Variants in WFDC5 observed in about 807,000 individuals in gnomAD.
The protein encoded by WFDC5 is WAP four-disulfide core domain protein 5.
WFDC5 carries 15 observed loss-of-function variants against 15.7 expected under a neutral mutation model. That is an observed-to-expected ratio of 0.96 (90% CI 0.64 to 1.47). The LOEUF is 1.47. WFDC5 is among the 40% of genes most tolerant of loss of function. The pLI, the probability that WFDC5 is intolerant of heterozygous loss-of-function variation, is 0.00. For synonymous variants in WFDC5, 109 were observed against 107.7 expected, an observed-to-expected ratio of 1.01 and a Z score of -0.07; for missense variants, 280 against 258.0, an observed-to-expected ratio of 1.09 and a Z score of -0.59.
At position 45,110,716 on chromosome 20, in the gene WFDC5, A is replaced by G. The variant is rs1377540497; in HGVS notation, c.145T>C (p.Cys49Arg). 3.1e-6 allele frequency: 5 copies of G among 1,614,070 alleles called. No individual in the cohort carries two copies. Among genetic ancestry groups the G allele is most frequent in the African/African-American group, 1.3e-5 (1 of 74,944 alleles). ...AAGGGACACTGGCTGTCTTCCACGC[A>G]CTGGTCAGGCACCGATAGGAGGCAG... Residue 49 changes from cysteine to arginine, a missense_variant, in exon 2 of 4, where the codon TGC becomes CGC. Coordinates refer to ENST00000307971, the Ensembl canonical transcript of WFDC5.
intron 1 of WFDC5, 139 bp downstream of exon 1, chr20:45,114,860 C>T (rs1981713751): frequency 3.7e-6 from 3 of 819,890 alleles, no homozygotes; most frequent in African/African-American, 3.4e-5. Context: ...GGCATCCACA[C>T]ATACACACAC....
At chr20:45,114,353 C>A (rs1161239250) in intron 1 of WFDC5, among the ~76,000 whole-genome samples, 1 of 152,152 alleles carries the variant, frequency 6.6e-6, no homozygotes, top group Non-Finnish European at 1.5e-5. Flanking sequence ...AGCAGGCCAG[C>A]CCCAGCCTTG....
chr20:45,113,283 C>T (rs1386261025), intron 1 of WFDC5, among the ~76,000 whole-genome samples: 2 of 152,190 alleles, frequency 1.3e-5, no homozygotes, highest in East Asian at 3.8e-4. Flanking sequence ...ACTTCCCTTC[C>T]CTTGGCTTCG....
intron 1 of WFDC5, among the ~76,000 whole-genome samples, chr20:45,112,423 G>A (rs1981646303): frequency 6.6e-6 from 1 of 152,188 alleles, no homozygotes; most frequent in Non-Finnish European, 1.5e-5. Context: ...TGCGATAGCT[G>A]CAATGTGGAG....
chr20:45,112,884 G>A (rs1981659758), intron 1 of WFDC5, among the ~76,000 whole-genome samples: 1 of 152,056 alleles, frequency 6.6e-6, no homozygotes, highest in Non-Finnish European at 1.5e-5. Context: ...TATATAAACA[G>A]GCAGTCATGT....
chr20:45,111,283 C>A (rs374855656), intron 1 of WFDC5, among the ~76,000 whole-genome samples: 1 of 113,524 alleles, frequency 8.8e-6, no homozygotes, highest in Non-Finnish European at 1.9e-5. Flanking sequence ...GGTCAGCGCC[C>A]CCCCACCCCG....
chr20:45,110,434 G>A (rs373684757), exon 3 of WFDC5: 39 of 1,611,838 alleles, frequency 2.4e-5, no homozygotes, highest in Admixed American at 6.7e-5. Context: ...GCCCGCAGGC[G>A]CTGTGGCAGC....
intron 1 of WFDC5, among the ~76,000 whole-genome samples, chr20:45,114,724 A>G (rs893530512): frequency 6.6e-6 from 1 of 151,908 alleles, no homozygotes; most frequent in Non-Finnish European, 1.5e-5. Flanking sequence ...CCCCTGACAT[A>G]TAGACAGGCA....
In WFDC5 at chr20:45,110,624, G is replaced by A. The variant is rs2145524298; in HGVS notation, c.226+11C>T. ...CTTGGATGGTCAGCAAGGTGGAGGGGAGGCATTTACCAGAGACCCTGGGGA... is the reference window on the plus strand; with the variant it reads ...CTTGGATGGTCAGCAAGGTGGAGGGAAGGCATTTACCAGAGACCCTGGGGA... On this transcript the variant is annotated intron_variant, in intron 2 of 3. Transcript: ENST00000307971. The A allele has an allele frequency of 1.2e-6, 2 of 1,614,038 alleles. No homozygotes were observed. The highest frequency in any genetic ancestry group is 2.2e-5 in the East Asian group (1 of 44,870).
At chr20:45,110,347 A>C in intron 3 of WFDC5, 53 bp downstream of exon 3, 1 of 1,550,092 alleles carries the variant, frequency 6.5e-7, no homozygotes, top group Non-Finnish European at 8.7e-7. Context: ...AGAAAGTATT[A>C]GAGCTGGGCT....
intron 1 of WFDC5, among the ~76,000 whole-genome samples, chr20:45,114,492 TG>T: frequency 6.6e-6 from 1 of 150,864 alleles, no homozygotes; most frequent in East Asian, 2.0e-4. Context: ...ACAGATGGGG[TG>T]GTGGACCCAC....
At chr20:45,114,034 G>A (rs1056061047) in intron 1 of WFDC5, among the ~76,000 whole-genome samples, 5 of 152,150 alleles carry the variant, frequency 3.3e-5, no homozygotes, top group Admixed American at 1.3e-4. Flanking sequence ...GTGGTTCCCC[G>A]CTATGCCTCA....
intron 1 of WFDC5, 58 bp from the exon 2 acceptor site, chr20:45,110,833 G>A (rs1391436750): frequency 3.1e-6 from 5 of 1,599,454 alleles, no homozygotes; most frequent in East Asian, 4.5e-5. Context: ...TGTAATAAGC[G>A]CTGACCTGGG....
At chr20:45,113,596 G>T (rs760867118) in intron 1 of WFDC5, among the ~76,000 whole-genome samples, 1 of 152,192 alleles carries the variant, frequency 6.6e-6, no homozygotes, top group Non-Finnish European at 1.5e-5. Context: ...TGAGAGAGAG[G>T]CATGGGACCC....
chr20:45,112,338 AG>A (rs1176679036), intron 1 of WFDC5, among the ~76,000 whole-genome samples: 4 of 152,112 alleles, frequency 2.6e-5, no homozygotes, highest in African/African-American at 9.7e-5. Flanking sequence ...TTCTGTGGCG[AG>A]GGGCCTGGGG....
chr20:45,114,774 GATA>G, intron 1 of WFDC5, among the ~76,000 whole-genome samples: 1 of 151,336 alleles, frequency 6.6e-6, no homozygotes. Flanking sequence ...GACACTTACA[GATA>G]CCAACACAGG....
At chr20:45,115,243 G>A (rs997121171), upstream of WFDC5, 8 of 608,816 alleles carry the variant, frequency 1.3e-5, no homozygotes, top group South Asian at 1.5e-4. Flanking sequence ...AGGACTCAGT[G>A]CAAGGGATGC....
intron 1 of WFDC5, 24 bp from the exon 2 acceptor site, chr20:45,110,799 G>A (rs1365471683): frequency 6.2e-7 from 1 of 1,612,830 alleles, no homozygotes; most frequent in South Asian, 1.1e-5. Context: ...TCCTAATATT[G>A]CAGCTGGAGG....
intron 1 of WFDC5, among the ~76,000 whole-genome samples, chr20:45,113,672 C>G (rs1981680008): frequency 6.6e-6 from 1 of 152,234 alleles, no homozygotes; most frequent in African/African-American, 2.4e-5. Flanking sequence ...GCCTGGAAGT[C>G]CTAATAAACT....
Sources: gnomAD v4.1 joint callset for allele counts (sites outside exome capture counted in the v4.1 genomes callset) on GRCh38, gnomAD v4.1.1 for gene constraint, MANE v1.5 for transcripts, NCBI Gene and HGNC (gene_info 2026-07-23, HGNC 2026-07-21) for gene names.